The following TACC1 variants were observed in gnomAD, a reference collection of about 807,000 sequenced individuals.
The protein encoded by TACC1 is transforming acidic coiled-coil containing protein 1.
In TACC1, 48 loss-of-function variants were observed where a neutral mutation model predicts 84.4. The observed-to-expected ratio is 0.57, with a 90% CI of 0.45 to 0.72. The LOEUF is 0.72. Ranked by LOEUF, TACC1 falls within the 30% of genes least tolerant of loss-of-function variation. TACC1 has a pLI of 0.00. For missense variants in TACC1, 920 were observed against 973.0 expected, an observed-to-expected ratio of 0.95 and a Z score of 0.72; for synonymous variants, 372 against 376.3, an observed-to-expected ratio of 0.99 and a Z score of 0.13.
chr8:38,750,748 G>A (rs1808881043), intron 3 of TACC1, among the ~76,000 whole-genome samples: 1 of 152,184 alleles, frequency 6.6e-6, no homozygotes, highest in Non-Finnish European at 1.5e-5. Flanking sequence ...CAAAAGACAT[G>A]TATGACCTGT....
rs756045074 is a variant in TACC1 at position 38,838,514 on chromosome 8, C to T, written c.1884C>T (p.Tyr628=). The change falls in exon 8 of 13, where the codon TAC becomes TAT. Residue 628 remains tyrosine (Y), a synonymous_variant. Coordinates refer to ENST00000317827, the MANE Select transcript of TACC1 (RefSeq NM_006283.3). ...AAGCAAATGAATGGAAGAAGAAATA[C>T]GAAGAGACCCGGCAAGAAGTTTTGG... ...EIEANEWKKK[Y]EETRQEVLEM... 2.2e-5 allele frequency: 35 copies of T among 1,613,646 alleles called. No homozygotes were observed. In the South Asian group the frequency reaches 2.6e-4, roughly 12 times the overall value.
chr8:38,786,166 C>T (rs996387249), upstream of TACC1, among the ~76,000 whole-genome samples: 2 of 152,150 alleles, frequency 1.3e-5, no homozygotes, highest in African/African-American at 2.4e-5. Context: ...CCTGGAACAC[C>T]TTATCCAGGC....
intron 2 of TACC1, among the ~76,000 whole-genome samples, chr8:38,803,295 G>A (rs1047740317): frequency 6.6e-6 from 1 of 152,168 alleles, no homozygotes; most frequent in African/African-American, 2.4e-5. Flanking sequence ...AAAACTTCTA[G>A]AACAGTGTTG....
chr8:38,743,689 A>G (rs959991379), intron 2 of TACC1, among the ~76,000 whole-genome samples: 3 of 152,212 alleles, frequency 2.0e-5, no homozygotes, highest in Non-Finnish European at 4.4e-5. Context: ...TCAAAATAAT[A>G]GTGACTAAAT....
intron 2 of TACC1, among the ~76,000 whole-genome samples, chr8:38,799,199 G>A (rs1193869530): frequency 6.6e-6 from 1 of 152,210 alleles, no homozygotes; most frequent in African/African-American, 2.4e-5. Flanking sequence ...GACCTTCAGG[G>A]CAAAGGGCCA....
intron 2 of TACC1, among the ~76,000 whole-genome samples, chr8:38,798,741 A>AC (rs1216167977): frequency 1.3e-5 from 2 of 151,180 alleles, no homozygotes; most frequent in African/African-American, 4.9e-5. Flanking sequence ...CCGCTGACCC[A>AC]CCCCTCTCCC....
chr8:38,756,062 C>T (rs759519968), intron 3 of TACC1, among the ~76,000 whole-genome samples: 2 of 151,906 alleles, frequency 1.3e-5, no homozygotes, highest in Admixed American at 6.6e-5. Flanking sequence ...TAATCCACCC[C>T]CTAGGCCTCC....
chr8:38,775,343 T>C (rs1181035047), intron 3 of TACC1, among the ~76,000 whole-genome samples: 1 of 152,220 alleles, frequency 6.6e-6, no homozygotes, highest in East Asian at 1.9e-4. Context: ...TGTGGTTCTA[T>C]GAGATCTGAG....
In TACC1 at chr8:38,820,647, TG is replaced by T; in HGVS notation, c.1391+15del. On this transcript the variant is annotated intron_variant, in intron 3 of 12. Coordinates refer to ENST00000317827, the MANE Select transcript of TACC1 (RefSeq NM_006283.3). ...TCGCGTTTAATAACGTGAGTGACAG[TG>T]GGCGCTGGGTGTCGTGCTCTGTGTC... 6.3e-7 allele frequency: 1 copy of T among 1,595,026 alleles called. No homozygotes were observed.
intron 1 of TACC1, among the ~76,000 whole-genome samples, chr8:38,739,141 A>G (rs1485269948): frequency 3.9e-5 from 6 of 152,090 alleles, no homozygotes; most frequent in African/African-American, 1.4e-4. Flanking sequence ...TGCCTGCCTT[A>G]TGCTCCTGAA....
chr8:38,796,209 T>C (rs371941797), intron 2 of TACC1, among the ~76,000 whole-genome samples: 4 of 152,198 alleles, frequency 2.6e-5, no homozygotes, highest in Non-Finnish European at 4.4e-5. Flanking sequence ...ATTTCACAGA[T>C]TGGGAAATTG....
At chr8:38,785,106 A>C (rs1816867566), upstream of TACC1, among the ~76,000 whole-genome samples, 1 of 131,620 alleles carries the variant, frequency 7.6e-6, no homozygotes, top group Non-Finnish European at 1.6e-5. Flanking sequence ...AGGACGTTCG[A>C]GCAGCTGAAG....
chr8:38,819,604 T>G lies in TACC1; in HGVS notation c.360T>G (p.Asn120Lys), dbSNP rs1233240111. The change falls in exon 3 of 13, where the codon AAT (asparagine) becomes AAG (lysine). Residue 120 changes from asparagine to lysine, a missense_variant. Physicochemically the swap from Asn to Lys is moderately conservative, Grantham distance 94. Transcript: ENST00000317827. ...SSKTCSKPSENEVPQQAIDSH... is the reference protein window; with the variant it reads ...SSKTCSKPSEKEVPQQAIDSH... Reference sequence around the variant, plus strand: ...AGACTTGTTCTAAACCTTCAGAAAATGAAGTGCCACAGCAGGCCATTGACT... The same window carrying G: ...AGACTTGTTCTAAACCTTCAGAAAAGGAAGTGCCACAGCAGGCCATTGACT... 1.9e-6 allele frequency: 3 copies of G among 1,614,122 alleles called. No homozygotes were observed. In the South Asian group the frequency reaches 3.3e-5, roughly 18 times the overall value.
chr8:38,774,660 T>A (rs1315334351), intron 3 of TACC1, among the ~76,000 whole-genome samples: 1 of 151,538 alleles, frequency 6.6e-6, no homozygotes, highest in Non-Finnish European at 1.5e-5. Flanking sequence ...ACCAGGCTAA[T>A]TTTTTTTTGT....
chr8:38,770,637 G>A (rs886738800), intron 3 of TACC1, among the ~76,000 whole-genome samples: 1 of 152,248 alleles, frequency 6.6e-6, no homozygotes, highest in Admixed American at 6.5e-5. Flanking sequence ...GCTGAGAGCC[G>A]CACGATAGAT....
intron 3 of TACC1, among the ~76,000 whole-genome samples, chr8:38,760,805 A>T (rs557972104): frequency 1.1e-4 from 17 of 152,226 alleles, no homozygotes; most frequent in Non-Finnish European, 1.8e-4. Context: ...TACAGGCGTG[A>T]GCCACTGCGC....
chr8:38,764,227 A>G (rs933420877), intron 3 of TACC1, among the ~76,000 whole-genome samples: 1 of 151,916 alleles, frequency 6.6e-6, no homozygotes, highest in African/African-American at 2.4e-5. Flanking sequence ...ACAGGCGCCC[A>G]CCACCATGCC....
At chr8:38,757,379 G>A in intron 3 of TACC1, 1 of 1,261,920 alleles carries the variant, frequency 7.9e-7, no homozygotes, top group East Asian at 6.9e-5. Flanking sequence ...GAACCCGCCG[G>A]GGAGAGGCAC....
intron 2 of TACC1, among the ~76,000 whole-genome samples, chr8:38,810,115 C>CT (rs139747200): frequency 0.012 from 1,841 of 151,610 alleles, 37 homozygotes; most frequent in African/African-American, 0.042. Context: ...TTCTTTTTTT[C>CT]TTTTTTTTCA....
Sources: gnomAD v4.1 joint callset for allele counts (sites outside exome capture counted in the v4.1 genomes callset) on GRCh38, gnomAD v4.1.1 for gene constraint, MANE v1.5 for transcripts, NCBI Gene and HGNC (gene_info 2026-07-23, HGNC 2026-07-21) for gene names.